The following SND1 variants were observed in gnomAD, a reference collection of about 807,000 sequenced individuals.
The protein encoded by SND1 is staphylococcal nuclease domain-containing protein 1.
In SND1, 38 loss-of-function variants were observed where a neutral mutation model predicts 121.7. The ratio of observed to expected loss-of-function variants is 0.31; its 90% CI spans 0.24 to 0.41. The LOEUF is 0.41. Ranked by LOEUF, SND1 falls within the 10% of genes least tolerant of loss-of-function variation. SND1 has a pLI of 1.00. For missense variants in SND1, 868 were observed against 1,184.6 expected (o/e 0.73, Z 3.92); for synonymous variants, 401 against 447.4 (o/e 0.90, Z 1.31).
chr7:127,709,950 C>T (rs1796269728), intron 9 of SND1, among the ~76,000 whole-genome samples: 1 of 151,428 alleles, frequency 6.6e-6, no homozygotes, highest in South Asian at 2.1e-4. Context: ...CATAAATACC[C>T]ATAGTACATG....
chr7:128,016,937 A>G (rs1803237680), intron 16 of SND1, among the ~76,000 whole-genome samples: 1 of 152,266 alleles, frequency 6.6e-6, no homozygotes, highest in Non-Finnish European at 1.5e-5. Flanking sequence ...AGGGTCAGCT[A>G]TAGGCATAGG....
At chr7:127,686,568 T>TA in intron 1 of SND1, 45 bp from the exon 2 acceptor site, 3 of 1,589,136 alleles carry the variant, frequency 1.9e-6, no homozygotes, top group Non-Finnish European at 2.6e-6. Flanking sequence ...ATTATGGTGA[T>TA]ACGGCCTCTG....
intron 17 of SND1, 31 bp from the exon 18 acceptor site, chr7:128,081,329 C>G (rs1793598281): frequency 6.2e-7 from 1 of 1,613,094 alleles, no homozygotes; most frequent in Non-Finnish European, 8.5e-7. Flanking sequence ...CTTCCTCGCC[C>G]TCTTCTCACC....
intron 16 of SND1, chr7:127,999,495 C>CT (rs1802766319): frequency 6.6e-6 from 1 of 152,124 alleles, no homozygotes; most frequent in East Asian, 1.9e-4. Context: ...ACTCCTGGCA[C>CT]TCACTTTTCC....
chr7:127,834,564 G>C (rs1322778150), intron 11 of SND1, among the ~76,000 whole-genome samples: 1 of 152,190 alleles, frequency 6.6e-6, no homozygotes, highest in African/African-American at 2.4e-5. Context: ...TTTGATCATG[G>C]AACCTTGCTT....
intron 15 of SND1, among the ~76,000 whole-genome samples, chr7:127,929,605 A>G (rs986269336): frequency 6.6e-6 from 1 of 152,228 alleles, no homozygotes; most frequent in Non-Finnish European, 1.5e-5. Context: ...GAGCAAAGGA[A>G]GTTCCAGACT....
intron 1 of SND1, among the ~76,000 whole-genome samples, chr7:127,678,110 AACCTC>A (rs372361257): frequency 1.7e-4 from 26 of 152,314 alleles, no homozygotes; most frequent in Non-Finnish European, 3.2e-4. Context: ...ATCAGTAGGT[AACCTC>A]AGATACCATT....
intron 16 of SND1, among the ~76,000 whole-genome samples, chr7:128,053,585 G>A (rs1395041282): frequency 2.0e-5 from 3 of 152,224 alleles, no homozygotes; most frequent in Non-Finnish European, 2.9e-5. Context: ...GGCAATGGGG[G>A]AAAGAAATCA....
At chr7:128,066,749 G>A (rs1416993617) in intron 16 of SND1, among the ~76,000 whole-genome samples, 3 of 152,196 alleles carry the variant, frequency 2.0e-5, no homozygotes, top group African/African-American at 4.8e-5. Context: ...CAAGTTCACA[G>A]TTCTGGCTGT....
At position 127,913,604 on chromosome 7, in the gene SND1, A is replaced by G. The variant is rs186085099; in HGVS notation, c.1527+8785A>G. On this transcript the variant is annotated intron_variant, in intron 14 of 23. Transcript: ENST00000354725. Reference sequence around the variant, plus strand: ...CTATGATTCTATTTCATGGGTCAAAATAGGTTAAATGAGCCCATTACAGGG... The same window carrying G: ...CTATGATTCTATTTCATGGGTCAAAGTAGGTTAAATGAGCCCATTACAGGG... 1.7e-3 allele frequency among the ~76,000 whole-genome samples: 265 copies of G among 152,300 alleles called. 1 individual carries two copies. The highest frequency in any genetic ancestry group is 6.1e-3 in the African/African-American group (253 of 41,564).
intron 19 of SND1, 111 bp downstream of exon 19, chr7:128,084,958 G>A: frequency 8.8e-7 from 1 of 1,142,662 alleles, no homozygotes; most frequent in African/African-American, 1.6e-5. Flanking sequence ...GGTTAATGAT[G>A]GCCCCTAGCA....
intron 12 of SND1, among the ~76,000 whole-genome samples, chr7:127,877,974 G>A (rs530831948): frequency 3.4e-4 from 52 of 151,962 alleles, no homozygotes; most frequent in Non-Finnish European, 6.5e-4. Context: ...TTTTCTCCCC[G>A]TTCTCTCTCC....
intron 16 of SND1, among the ~76,000 whole-genome samples, chr7:128,033,642 C>G (rs1792693252): frequency 6.6e-6 from 1 of 152,208 alleles, no homozygotes; most frequent in African/African-American, 2.4e-5. Flanking sequence ...AGTCCCCATT[C>G]TTTGCCAAGA....
chr7:127,834,879 T>A (rs1262909992), intron 11 of SND1, among the ~76,000 whole-genome samples: 1 of 152,220 alleles, frequency 6.6e-6, no homozygotes, highest in East Asian at 1.9e-4. Flanking sequence ...CTGAGTGACT[T>A]CTTGATGCCA....
chr7:127,872,666 ACACG>A (rs1461778248), intron 12 of SND1, among the ~76,000 whole-genome samples: 2 of 143,718 alleles, frequency 1.4e-5, no homozygotes, highest in Non-Finnish European at 1.5e-5. Flanking sequence ...ACACACACAC[ACACG>A]ACTCTGCCAC....
At chr7:127,668,604 G>A (rs1795460025) in intron 1 of SND1, among the ~76,000 whole-genome samples, 1 of 152,220 alleles carries the variant, frequency 6.6e-6, no homozygotes, top group African/African-American at 2.4e-5. Context: ...GGTGGACTCA[G>A]GAGATGACAA....
rs146354533 is a variant in SND1, at chr7:128,025,805, C to T, written c.1779+34749C>T. 1.2e-3 allele frequency among the ~76,000 whole-genome samples: 188 copies of T among 152,210 alleles called. 2 individuals carry two copies. Among genetic ancestry groups the T allele is most frequent in the African/African-American group, 4.4e-3 (181 of 41,520 alleles). On this transcript the variant is annotated intron_variant, in intron 16 of 23. Transcript: ENST00000354725. Reference sequence around the variant, plus strand: ...AAATCTAGGATCCTAGTCTTAGTCTCCCCCAACTCCTTTGAGGTTCCTTTC... The same window carrying T: ...AAATCTAGGATCCTAGTCTTAGTCTTCCCCAACTCCTTTGAGGTTCCTTTC...
intron 13 of SND1, among the ~76,000 whole-genome samples, chr7:127,894,383 T>TAA (rs879884918): frequency 1.4e-5 from 2 of 141,474 alleles, no homozygotes; most frequent in African/African-American, 2.6e-5. Flanking sequence ...ATGTGTGCCT[T>TAA]AAAAAAAAAA....
intron 8 of SND1, among the ~76,000 whole-genome samples, chr7:127,707,335 T>G (rs1398222753): frequency 6.6e-6 from 1 of 152,218 alleles, no homozygotes; most frequent in African/African-American, 2.4e-5. Flanking sequence ...GCTCAAAAAA[T>G]TGTATGCCTG....
Sources: gnomAD v4.1 joint callset for allele counts (sites outside exome capture counted in the v4.1 genomes callset) on GRCh38, gnomAD v4.1.1 for gene constraint, MANE v1.5 for transcripts, NCBI Gene and HGNC (gene_info 2026-07-23, HGNC 2026-07-21) for gene names.